The following SRFBP1 variants were observed in gnomAD, a reference collection of about 807,000 sequenced individuals.
SRFBP1 encodes serum response factor binding protein 1.
A neutral mutation model predicts 45.5 loss-of-function variants in SRFBP1; 47 were observed. The observed-to-expected ratio is 1.03, with a 90% confidence interval of 0.82 to 1.32. The LOEUF (loss-of-function observed/expected upper bound fraction) is 1.32. SRFBP1 is among the 40% of genes most tolerant of loss of function. The probability of loss-of-function intolerance (pLI) is 0.00; values close to 1 mark genes in which losing one functional copy is unlikely to be tolerated. For missense variants in SRFBP1, 621 were observed against 484.6 expected, an observed-to-expected ratio of 1.28 and a Z score of -2.64; for synonymous variants, 203 against 166.3, an observed-to-expected ratio of 1.22 and a Z score of -1.70.
intron 2 of SRFBP1, among the ~76,000 whole-genome samples, chr5:122,035,708 T>C (rs1201755432): frequency 5.3e-5 from 8 of 152,324 alleles, no homozygotes; most frequent in Admixed American, 1.3e-4. Context: ...ATAAGTGTTT[T>C]TATGTAACCA....
intron 4 of SRFBP1, among the ~76,000 whole-genome samples, chr5:122,014,434 C>T (rs1049329025): frequency 1.3e-5 from 2 of 151,932 alleles, no homozygotes; most frequent in Non-Finnish European, 2.9e-5. Context: ...AGTGACTCTC[C>T]GGGGATTATG....
chr5:122,011,999 G>T (rs187360852), intron 4 of SRFBP1, among the ~76,000 whole-genome samples: 42 of 152,202 alleles, frequency 2.8e-4, no homozygotes, highest in Admixed American at 4.6e-4. Flanking sequence ...AATTTATAGT[G>T]TAAAAAACAT....
At chr5:121,989,695 C>G (rs1278579355) in intron 3 of SRFBP1, among the ~76,000 whole-genome samples, 2 of 152,186 alleles carry the variant, frequency 1.3e-5, no homozygotes, top group East Asian at 1.9e-4. Flanking sequence ...GTATCTGGCA[C>G]CTGCGTGGCT....
chr5:121,979,274 C>T (rs1374760158), intron 3 of SRFBP1, among the ~76,000 whole-genome samples: 3 of 152,128 alleles, frequency 2.0e-5, no homozygotes, highest in Non-Finnish European at 4.4e-5. Context: ...GGAGGTTTAT[C>T]ATTGTATGTA....
At chr5:122,061,256 T>C (rs1236010426) in intron 2 of SRFBP1, among the ~76,000 whole-genome samples, 1 of 151,842 alleles carries the variant, frequency 6.6e-6, no homozygotes, top group Non-Finnish European at 1.5e-5. Context: ...ATCGTTAAAT[T>C]TGTCTTTAGC....
chr5:122,022,288 T>C, intron 6 of SRFBP1, 82 bp from the exon 7 acceptor site: 2 of 1,219,876 alleles, frequency 1.6e-6, no homozygotes, highest in Non-Finnish European at 2.3e-6. Flanking sequence ...GAATTAGTTT[T>C]ATCATCAATT....
intron 3 of SRFBP1, among the ~76,000 whole-genome samples, chr5:121,988,408 T>C (rs959011079): frequency 3.3e-5 from 5 of 152,172 alleles, no homozygotes; most frequent in Non-Finnish European, 5.9e-5. Context: ...ACAAAAAGTT[T>C]ATTACTCTTC....
chr5:122,010,204 G>A (rs1753062020), intron 4 of SRFBP1, among the ~76,000 whole-genome samples: 1 of 152,086 alleles, frequency 6.6e-6, no homozygotes, highest in Non-Finnish European at 1.5e-5. Flanking sequence ...CAAATTAGAG[G>A]AAGGTTCATT....
At chr5:122,058,736 CT>C (rs1754125788) in intron 2 of SRFBP1, among the ~76,000 whole-genome samples, 1 of 152,096 alleles carries the variant, frequency 6.6e-6, no homozygotes. Flanking sequence ...AATTTGGCCT[CT>C]CATGTTGTTG....
chr5:122,035,625 G>C (rs1753681670), intron 2 of SRFBP1, among the ~76,000 whole-genome samples: 1 of 152,162 alleles, frequency 6.6e-6, no homozygotes, highest in African/African-American at 2.4e-5. Context: ...AATTTTTAGA[G>C]TGGAAATAAT....
chr5:122,070,972 C>T (rs74719488), intron 2 of SRFBP1, among the ~76,000 whole-genome samples: 95 of 152,174 alleles, frequency 6.2e-4, no homozygotes, highest in African/African-American at 1.9e-3. Flanking sequence ...CCCAGTTTCC[C>T]CTTTTGGAAA....
intron 4 of SRFBP1, among the ~76,000 whole-genome samples, chr5:122,014,568 A>G (rs1225808959): frequency 1.3e-5 from 2 of 152,136 alleles, no homozygotes; most frequent in African/African-American, 4.8e-5. Context: ...TAGAAAAAAA[A>G]AATTAAAAAA....
chr5:122,038,194 T>C lies in SRFBP1; in HGVS notation n.311+15787T>C, dbSNP rs527919895. On this transcript the variant is annotated intron_variant and non_coding_transcript_variant, in intron 2 of 2. Coordinates refer to the SRFBP1 transcript ENST00000504881. Reference sequence around the variant, plus strand: ...CCAATGAGAGTTTGGAATTTTTTGTTATAGTACAGGTAGCACTATTCTGAT... The same window carrying C: ...CCAATGAGAGTTTGGAATTTTTTGTCATAGTACAGGTAGCACTATTCTGAT... 8.3e-4 allele frequency among the ~76,000 whole-genome samples: 126 copies of C among 152,292 alleles called. No homozygotes were observed. In the Middle Eastern group the frequency reaches 0.01, roughly 12 times the overall value.
intron 4 of SRFBP1, among the ~76,000 whole-genome samples, chr5:122,000,760 T>C (rs1317343494): frequency 6.6e-6 from 1 of 152,156 alleles, no homozygotes; most frequent in Non-Finnish European, 1.5e-5. Flanking sequence ...TTTTTTGCTC[T>C]TTCTGGTTCT....
chr5:121,979,847 C>T (rs546486285), intron 3 of SRFBP1, among the ~76,000 whole-genome samples: 1 of 152,246 alleles, frequency 6.6e-6, no homozygotes, highest in Admixed American at 6.5e-5. Context: ...GTGTAATATC[C>T]TAAGGTTATA....
At chr5:122,012,794 T>G (rs1017853882) in intron 4 of SRFBP1, among the ~76,000 whole-genome samples, 4 of 152,138 alleles carry the variant, frequency 2.6e-5, no homozygotes, top group Non-Finnish European at 5.9e-5. Context: ...AATACCAGTA[T>G]TCTAATTAGT....
intron 4 of SRFBP1, among the ~76,000 whole-genome samples, chr5:121,996,965 A>G (rs1385469717): frequency 2.9e-5 from 4 of 136,442 alleles, no homozygotes; most frequent in Non-Finnish European, 6.1e-5. Context: ...AAGGGATGTG[A>G]AGGACCTCTT....
chr5:121,982,288 C>A (rs77544374), intron 3 of SRFBP1, among the ~76,000 whole-genome samples: 1 of 151,818 alleles, frequency 6.6e-6, no homozygotes, highest in Admixed American at 6.6e-5. Context: ...GAAATCATAG[C>A]GCTATTTTAA....
intron 4 of SRFBP1, among the ~76,000 whole-genome samples, chr5:121,998,787 G>A (rs1407112194): frequency 1.3e-5 from 2 of 151,940 alleles, no homozygotes; most frequent in East Asian, 3.9e-4. Flanking sequence ...TGAGGAAACT[G>A]GAACCCAAAA....
Sources: gnomAD v4.1 joint callset for allele counts (sites outside exome capture counted in the v4.1 genomes callset) on GRCh38, gnomAD v4.1.1 for gene constraint, MANE v1.5 for transcripts, NCBI Gene and HGNC (gene_info 2026-07-23, HGNC 2026-07-21) for gene names.